PDHX: variants seen among roughly 807,000 people sequenced by gnomAD.
PDHX encodes pyruvate dehydrogenase protein X component, mitochondrial.
PDHX carries 33 observed loss-of-function variants against 55.3 expected under a neutral mutation model. The ratio of observed to expected loss-of-function variants is 0.60; its 90% confidence interval spans 0.45 to 0.80. PDHX has a LOEUF of 0.80. Among genes scored for constraint, PDHX ranks in the 30% least tolerant of loss-of-function variants. The pLI, the probability that PDHX is intolerant of heterozygous loss-of-function variation, is 0.00. For synonymous variants in PDHX, 226 were observed against 219.4 expected, an observed-to-expected ratio of 1.03 and a Z score of -0.27; for missense variants, 622 against 619.9, an observed-to-expected ratio of 1.00 and a Z score of -0.04.
intron 3 of PDHX, 88 bp from the exon 4 acceptor site, chr11:34,957,296 A>G: frequency 1.1e-6 from 1 of 928,206 alleles, no homozygotes. Flanking sequence ...AAGATATCTT[A>G]AGGGGAGAAT....
At chr11:34,938,225 A>C (rs949501490) in intron 2 of PDHX, among the ~76,000 whole-genome samples, 1 of 152,242 alleles carries the variant, frequency 6.6e-6, no homozygotes, top group Non-Finnish European at 1.5e-5. Context: ...AAGTTGACAT[A>C]TGAAGGGTAA....
chr11:34,932,093 G>A (rs1292588573), intron 2 of PDHX, among the ~76,000 whole-genome samples: 1 of 152,002 alleles, frequency 6.6e-6, no homozygotes, highest in Non-Finnish European at 1.5e-5. Flanking sequence ...TATAATAAAG[G>A]AAGACAATAT....
chr11:34,915,955 G>A (rs927913195), upstream of PDHX: 5 of 559,624 alleles, frequency 8.9e-6, no homozygotes, highest in Non-Finnish European at 1.6e-5. Context: ...TCACCTAAAC[G>A]CTCTCCTCTC....
chr11:34,974,338 T>C (rs1855322026), intron 7 of PDHX, among the ~76,000 whole-genome samples: 1 of 152,230 alleles, frequency 6.6e-6, no homozygotes, highest in Non-Finnish European at 1.5e-5. Flanking sequence ...GCAGAATGTA[T>C]AAAAATTTCC....
At chr11:34,993,425 G>A (rs2732563) in intron 10 of PDHX, among the ~76,000 whole-genome samples, 91,070 of 151,878 alleles carry the variant, frequency 0.6, 28,825 homozygotes, top group East Asian at 0.75. Context: ...AAGCATTTAC[G>A]TTACTTTTCA....
intron 8 of PDHX, among the ~76,000 whole-genome samples, chr11:34,983,012 C>G (rs1477437007): frequency 6.6e-6 from 1 of 152,176 alleles, no homozygotes; most frequent in Non-Finnish European, 1.5e-5. Flanking sequence ...AACATCGATG[C>G]AAACATCCTC....
At chr11:34,950,566 T>C (rs1185973062) in intron 3 of PDHX, among the ~76,000 whole-genome samples, 4 of 144,602 alleles carry the variant, frequency 2.8e-5, no homozygotes, top group Non-Finnish European at 6.0e-5. Flanking sequence ...TGATGTTCCC[T>C]TTCCTGTGTC....
chr11:34,937,249 G>A (rs1387991938), intron 2 of PDHX, among the ~76,000 whole-genome samples: 1 of 152,032 alleles, frequency 6.6e-6, no homozygotes, highest in East Asian at 1.9e-4. Context: ...CCTAATCAAT[G>A]TGATAATCTA....
intron 2 of PDHX, chr11:34,941,913 G>C (rs1446423854): frequency 6.5e-6 from 1 of 153,808 alleles, no homozygotes; most frequent in Non-Finnish European, 1.5e-5. Context: ...CTCTCGCTCT[G>C]GGCCCGCTCC....
intron 1 of PDHX, among the ~76,000 whole-genome samples, chr11:34,931,131 T>C (rs1283076307): frequency 6.6e-6 from 1 of 152,194 alleles, no homozygotes; most frequent in Non-Finnish European, 1.5e-5. Flanking sequence ...TTTTGACTTA[T>C]AAGCACCTGG....
upstream of PDHX, chr11:34,916,115 C>G (rs1265319834): frequency 7.1e-7 from 1 of 1,416,328 alleles, no homozygotes; most frequent in South Asian, 1.3e-5. Context: ...AGGCCCGAAA[C>G]CCCGCCCCGC....
chr11:34,983,077 G>A (rs949458028), intron 8 of PDHX, among the ~76,000 whole-genome samples: 4 of 152,238 alleles, frequency 2.6e-5, no homozygotes, highest in African/African-American at 9.6e-5. Flanking sequence ...TATCCACCAC[G>A]ACGAAGTTGG....
At chr11:34,916,093 T>C, upstream of PDHX, 1 of 1,168,348 alleles carries the variant, frequency 8.6e-7, no homozygotes, top group Non-Finnish European at 1.2e-6. Context: ...TGCGCCGGGG[T>C]AGCGAACGGC....
intron 3 of PDHX, among the ~76,000 whole-genome samples, chr11:34,952,441 A>G (rs1417937752): frequency 6.6e-6 from 1 of 152,176 alleles, no homozygotes; most frequent in Non-Finnish European, 1.5e-5. Flanking sequence ...AAAATCCTCA[A>G]TAAAATACTG....
At chr11:34,923,438 A>G (rs1319399901) in intron 1 of PDHX, among the ~76,000 whole-genome samples, 1 of 152,216 alleles carries the variant, frequency 6.6e-6, no homozygotes, top group Non-Finnish European at 1.5e-5. Flanking sequence ...AGGAAAGTGC[A>G]TACATACACA....
chr11:34,936,238 G>T (rs1854307282), intron 2 of PDHX, among the ~76,000 whole-genome samples: 2 of 152,150 alleles, frequency 1.3e-5, no homozygotes, highest in South Asian at 4.1e-4. Flanking sequence ...GTGCAGTGAG[G>T]TTATCCAAAT....
chr11:34,984,934 C>A, intron 9 of PDHX: 1 of 515,810 alleles, frequency 1.9e-6, no homozygotes, highest in Non-Finnish European at 3.4e-6. Flanking sequence ...ATTTAATATT[C>A]AAAAATTAAG....
At chr11:34,941,210 CATGCAAAT>C (rs1854469016) in intron 2 of PDHX, among the ~76,000 whole-genome samples, 1 of 152,144 alleles carries the variant, frequency 6.6e-6, no homozygotes, top group African/African-American at 2.4e-5. Context: ...GGTCTTTGGC[CATGCAAAT>C]ATTATCCTTC....
chr11:34,916,559 C>G (rs1175477939), upstream of PDHX: 3 of 1,533,848 alleles, frequency 2.0e-6, no homozygotes, highest in Non-Finnish European at 1.7e-6. Flanking sequence ...CTAAAGGCAC[C>G]GCTAGCGTCT....
Sources: gnomAD v4.1 joint callset for allele counts (sites outside exome capture counted in the v4.1 genomes callset) on GRCh38, gnomAD v4.1.1 for gene constraint, MANE v1.5 for transcripts, NCBI Gene and HGNC (gene_info 2026-07-23, HGNC 2026-07-21) for gene names.